The following EIF3I variants were observed in gnomAD, a reference collection of about 807,000 sequenced individuals.
The protein encoded by EIF3I is eukaryotic translation initiation factor 3 subunit I, also known as TGF-beta receptor-interacting protein 1.
Under a neutral mutation model 43.3 loss-of-function variants are expected in EIF3I, and 20 were observed. The ratio of observed to expected loss-of-function variants is 0.46; its 90% CI spans 0.32 to 0.67. The LOEUF (loss-of-function observed/expected upper bound fraction) is 0.67. Ranked by LOEUF, EIF3I falls within the 30% of genes least tolerant of loss-of-function variation. The pLI is 0.03. For synonymous variants in EIF3I, 167 were observed against 151.7 expected (o/e 1.10, Z -0.74); for missense variants, 279 against 421.4 (o/e 0.66, Z 2.96).
At chr1:32,234,884 C>G (rs1639280037), downstream of EIF3I, 1 of 152,572 alleles carries the variant, frequency 6.6e-6, no homozygotes, top group Non-Finnish European at 1.5e-5. Context: ...TACTGAATCA[C>G]AGTTTTGCAT....
intron 2 of EIF3I, among the ~76,000 whole-genome samples, chr1:32,222,936 C>CA (rs1639052201): frequency 6.6e-6 from 1 of 152,046 alleles, no homozygotes; most frequent in Non-Finnish European, 1.5e-5. Flanking sequence ...TCTCTACACA[C>CA]AAAAAAATTA....
chr1:32,232,348 A>C (rs533645207), downstream of EIF3I, among the ~76,000 whole-genome samples: 7 of 152,204 alleles, frequency 4.6e-5, no homozygotes, highest in Non-Finnish European at 1.0e-4. Flanking sequence ...TGTACTAGGC[A>C]CTAGAATAAA....
At chr1:32,222,998 A>G (rs1639054810) in intron 2 of EIF3I, among the ~76,000 whole-genome samples, 1 of 152,174 alleles carries the variant, frequency 6.6e-6, no homozygotes, top group Non-Finnish European at 1.5e-5. Context: ...GGAGTCTGAA[A>G]CGAGAGGATC....
At chr1:32,222,857 G>C (rs1303177650) in intron 2 of EIF3I, among the ~76,000 whole-genome samples, 5 of 152,182 alleles carry the variant, frequency 3.3e-5, no homozygotes, top group Non-Finnish European at 5.9e-5. Flanking sequence ...AGCACTTTGA[G>C]AGGCCGAGGT....
rs529108550 is a variant in EIF3I at position 32,226,104 on chromosome 1, G to GC, written c.251-66dup. On this transcript the variant is annotated intron_variant, in intron 4 of 11. Transcript: ENST00000676679. Reference sequence around the variant, plus strand: ...AGACAAACAGTGAGATGTGATGGTAGCATTCTCTAGAATGTCCTCCCTGCA... The same window carrying GC: ...AGACAAACAGTGAGATGTGATGGTAGCCATTCTCTAGAATGTCCTCCCTGCA... The GC allele has an allele frequency of 5.1e-4, 798 of 1,568,400 alleles. 3 individuals are homozygous for GC. The African/African-American group carries it at 9.6e-3, about 19-fold the overall frequency.
intron 3 of EIF3I, 34 bp from the exon 4 acceptor site, chr1:32,224,376 G>A (rs1557553694): frequency 2.5e-6 from 4 of 1,594,886 alleles, no homozygotes; most frequent in Middle Eastern, 1.7e-4. Flanking sequence ...AAGGGCTCGG[G>A]TGAACTTCGT....
At chr1:32,232,778 A>G (rs1451161910), downstream of EIF3I, among the ~76,000 whole-genome samples, 2 of 152,148 alleles carry the variant, frequency 1.3e-5, no homozygotes, top group Non-Finnish European at 2.9e-5. Context: ...GGAGGTAAAT[A>G]GAGATGATCC....
exon 6 of EIF3I, chr1:32,226,461 T>G: frequency 6.2e-7 from 1 of 1,601,484 alleles, no homozygotes; most frequent in Non-Finnish European, 8.5e-7. Context: ...CCAGTGCTGT[T>G]TGGGGACCCC....
chr1:32,230,914 C>T lies in EIF3I; in HGVS notation c.915-13C>T. 6.3e-7 allele frequency: 1 copy of T among 1,579,952 alleles called. No individual in the cohort carries two copies. Among genetic ancestry groups the T allele is most frequent in the South Asian group, 1.2e-5 (1 of 85,520 alleles). The stretch of plus-strand genomic sequence containing the variant: ...AGATAGAAAGTGAATTAATTGTGTC[C>T]CTTTTCCTCCAGGTTCTTCCATTTG... On this transcript the variant is annotated splice_polypyrimidine_tract_variant and intron_variant, in intron 10 of 11. Transcript: ENST00000676679.
intron 4 of EIF3I, among the ~76,000 whole-genome samples, chr1:32,225,859 A>C (rs1447411428): frequency 6.6e-6 from 1 of 151,830 alleles, no homozygotes; most frequent in Non-Finnish European, 1.5e-5. Context: ...GTCTCTACTA[A>C]AAATACAAAA....
chr1:32,222,507 G>C (rs1345103006), intron 1 of EIF3I, 31 bp from the exon 2 acceptor site: 6 of 1,613,528 alleles, frequency 3.7e-6, no homozygotes, highest in Non-Finnish European at 4.2e-6. Flanking sequence ...GCCCAATTCC[G>C]AGCACTGACG....
At chr1:32,228,351 G>A (rs1639180296) in intron 6 of EIF3I, 148 bp from the exon 7 acceptor site, 4 of 647,440 alleles carry the variant, frequency 6.2e-6, no homozygotes, top group Admixed American at 2.3e-5. Context: ...AGAGTCAAGG[G>A]ATATTTAGGG....
downstream of EIF3I, among the ~76,000 whole-genome samples, chr1:32,235,486 A>G (rs1247034192): frequency 6.6e-6 from 1 of 152,050 alleles, no homozygotes; most frequent in African/African-American, 2.4e-5. Flanking sequence ...GACCGCCACC[A>G]CACCCAGCTA....
At chr1:32,230,706 C>A (rs951712021) in intron 10 of EIF3I, among the ~76,000 whole-genome samples, 3 of 152,086 alleles carry the variant, frequency 2.0e-5, no homozygotes, top group African/African-American at 7.2e-5. Flanking sequence ...CATCTGTAAT[C>A]CCAACCACTC....
chr1:32,228,798 C>T (rs1230099353), exon 8 of EIF3I: 17 of 1,614,008 alleles, frequency 1.1e-5, no homozygotes, highest in Non-Finnish European at 1.3e-5. Flanking sequence ...CAGCTGCCCT[C>T]TCCCCCAACT....
chr1:32,222,477 G>T (rs1569850509), intron 1 of EIF3I, 33 bp downstream of exon 1: 2 of 1,610,970 alleles, frequency 1.2e-6, no homozygotes, highest in East Asian at 2.2e-5. Flanking sequence ...TTGCAGTGGG[G>T]GTCCTGGGCT....
chr1:32,231,059 G>A, intron 11 of EIF3I, 40 bp downstream of exon 10: 1 of 1,613,684 alleles, frequency 6.2e-7, no homozygotes, highest in Non-Finnish European at 8.5e-7. Flanking sequence ...GCCTGGGTTG[G>A]GTCTCTGCCT....
downstream of EIF3I, among the ~76,000 whole-genome samples, chr1:32,235,521 A>C (rs937493135): frequency 5.9e-5 from 9 of 152,086 alleles, no homozygotes; most frequent in Non-Finnish European, 1.3e-4. Flanking sequence ...AGGTTTCACC[A>C]TGTTGGCCAG....
chr1:32,225,636 G>A (rs1168925261), intron 4 of EIF3I, among the ~76,000 whole-genome samples: 2 of 151,810 alleles, frequency 1.3e-5, no homozygotes, highest in Non-Finnish European at 2.9e-5. Context: ...ATCGACTCAG[G>A]AGGCTGAGGC....
Sources: gnomAD v4.1 joint callset for allele counts (sites outside exome capture counted in the v4.1 genomes callset) on GRCh38, gnomAD v4.1.1 for gene constraint, MANE v1.5 for transcripts, NCBI Gene and HGNC (gene_info 2026-07-23, HGNC 2026-07-21) for gene names.